The following GNG7 variants were observed in gnomAD, a reference collection of about 807,000 sequenced individuals.
The protein encoded by GNG7 is guanine nucleotide-binding protein G(I)/G(S)/G(O) subunit gamma-7.
A neutral mutation model predicts 4.0 loss-of-function variants in GNG7; 1 was observed. That is an observed-to-expected ratio of 0.25 (90% CI 0.09 to 1.18). The LOEUF (loss-of-function observed/expected upper bound fraction) is 1.18, where lower values mean the gene tolerates loss of function less well. Ranked by LOEUF, GNG7 falls within the 50% of genes most tolerant of loss-of-function variation. GNG7 has a pLI of 0.50. For synonymous variants in GNG7, 34 were observed against 36.9 expected, an observed-to-expected ratio of 0.92 and a Z score of 0.29; for missense variants, 86 against 91.9, an observed-to-expected ratio of 0.94 and a Z score of 0.26.
chr19:2,625,206 A>G (rs1452633567), intron 2 of GNG7, among the ~76,000 whole-genome samples: 6 of 152,020 alleles, frequency 3.9e-5, no homozygotes, highest in African/African-American at 9.7e-5. Flanking sequence ...ATAGCTGGGA[A>G]TACAGGTGCA....
intron 1 of GNG7, among the ~76,000 whole-genome samples, chr19:2,661,505 AT>A (rs1448849288): frequency 2.0e-5 from 3 of 151,800 alleles, no homozygotes; most frequent in East Asian, 3.9e-4. Context: ...CTAAAAAAAA[AT>A]ATAAAAATTA....
intron 2 of GNG7, among the ~76,000 whole-genome samples, chr19:2,566,433 G>C (rs913837212): frequency 6.6e-6 from 1 of 152,154 alleles, no homozygotes; most frequent in South Asian, 2.1e-4. Flanking sequence ...GAGAGAGAAT[G>C]AACCCGTGGT....
At chr19:2,696,955 C>A (rs1370643640) in intron 1 of GNG7, among the ~76,000 whole-genome samples, 1 of 152,174 alleles carries the variant, frequency 6.6e-6, no homozygotes, top group South Asian at 2.1e-4. Flanking sequence ...CAGGTTCAAG[C>A]GATTCTCCTG....
intron 3 of GNG7, among the ~76,000 whole-genome samples, chr19:2,521,072 G>A (rs558593757): frequency 1.2e-4 from 18 of 146,926 alleles, no homozygotes; most frequent in Admixed American, 2.8e-4. Context: ...TGGCTAACAC[G>A]GTGAAACCTC....
intron 3 of GNG7, among the ~76,000 whole-genome samples, chr19:2,530,483 G>A: frequency 6.6e-6 from 1 of 151,082 alleles, no homozygotes. Context: ...CACTTTGGGA[G>A]GCTGAGGTGG....
intron 3 of GNG7, among the ~76,000 whole-genome samples, chr19:2,521,274 A>T (rs1978307136): frequency 6.6e-6 from 1 of 152,018 alleles, no homozygotes; most frequent in Non-Finnish European, 1.5e-5. Flanking sequence ...TCAAAAAAAA[A>T]AATAAAGAAA....
chr19:2,638,064 A>G (rs969916546), intron 2 of GNG7, among the ~76,000 whole-genome samples: 5 of 152,024 alleles, frequency 3.3e-5, no homozygotes, highest in Non-Finnish European at 7.4e-5. Flanking sequence ...GACTGAAGTC[A>G]GTTTTGAAAT....
intron 2 of GNG7, among the ~76,000 whole-genome samples, chr19:2,569,395 C>T (rs76190386): frequency 2.0e-5 from 3 of 151,738 alleles, no homozygotes; most frequent in African/African-American, 4.8e-5. Context: ...CCTGCCTCAG[C>T]CTCCCGAGTA....
chr19:2,610,340 T>A (rs1421146543), intron 2 of GNG7: 2 of 39,142 alleles, frequency 5.1e-5, no homozygotes, highest in Non-Finnish European at 1.3e-4. Context: ...TTTTTTTAAT[T>A]TTTATTTATT....
At chr19:2,570,135 T>TA (rs889422296) in intron 2 of GNG7, among the ~76,000 whole-genome samples, 19 of 152,006 alleles carry the variant, frequency 1.2e-4, no homozygotes, top group South Asian at 4.2e-4. Context: ...ACCTGGTTGT[T>TA]AAAAAAAGCC....
intron 1 of GNG7, among the ~76,000 whole-genome samples, chr19:2,658,507 G>A (rs1007267669): frequency 2.9e-5 from 3 of 103,636 alleles, no homozygotes; most frequent in African/African-American, 1.1e-4. Flanking sequence ...CAAAGGCAGA[G>A]ACACCCAAGT....
intron 2 of GNG7, among the ~76,000 whole-genome samples, chr19:2,556,865 G>A (rs913474474): frequency 5.3e-5 from 8 of 152,128 alleles, no homozygotes; most frequent in Non-Finnish European, 5.9e-5. Context: ...CACCTGCTCC[G>A]TGCCAGGAGC....
intron 2 of GNG7, among the ~76,000 whole-genome samples, chr19:2,631,640 A>T (rs546284810): frequency 6.6e-6 from 1 of 152,112 alleles, no homozygotes; most frequent in Admixed American, 6.5e-5. Flanking sequence ...GGAGGGGGGA[A>T]CTTGGCCCAG....
chr19:2,568,413 CAT>C (rs370914261), intron 2 of GNG7, among the ~76,000 whole-genome samples: 52,923 of 150,846 alleles, frequency 0.35, 9,371 homozygotes, highest in South Asian at 0.43. Context: ...CACATATACA[CAT>C]AGACATACAC....
At chr19:2,606,786 G>A (rs1399459562) in intron 2 of GNG7, among the ~76,000 whole-genome samples, 4 of 151,644 alleles carry the variant, frequency 2.6e-5, no homozygotes, top group Non-Finnish European at 4.4e-5. Flanking sequence ...CTCGGATGGT[G>A]CAGTCTCTTT....
chr19:2,625,465 C>T (rs139573194), intron 2 of GNG7, among the ~76,000 whole-genome samples: 3 of 152,110 alleles, frequency 2.0e-5, no homozygotes, highest in East Asian at 1.9e-4. Flanking sequence ...CTTCCCATGT[C>T]GGCCTCTGAA....
Position 2,512,350 on chromosome 19 carries a change from C to T in GNG7, c.*2672G>A. The T allele has an allele frequency of 1.0e-6, 1 of 984,308 alleles. No individual in the cohort carries two copies. Among genetic ancestry groups the T allele is most frequent in the African/African-American group, 1.8e-5 (1 of 56,986 alleles). 61.0% of individuals were successfully genotyped at this position (984,308 alleles called of 1,614,324 possible). The stretch of plus-strand genomic sequence containing the variant: ...CACAGTGTGGTCACTGAAGTCTACT[C>T]AAGAAAAAAAAAAGTGGAGAATTTT... On this transcript the variant is annotated 3_prime_UTR_variant, in exon 5 of 5. Coordinates refer to ENST00000382159, the MANE Select transcript of GNG7 (RefSeq NM_052847.3). The surrounding 1 kb of genome is among the most constrained non-coding windows in gnomAD (Gnocchi z 4.7).
intron 1 of GNG7, among the ~76,000 whole-genome samples, chr19:2,701,917 C>T (rs1268826726): frequency 1.3e-5 from 2 of 150,766 alleles, no homozygotes; most frequent in African/African-American, 4.9e-5. Flanking sequence ...GCCCCCTCCC[C>T]AGCTAGCTTG....
chr19:2,644,400 C>G (rs1982611038), intron 2 of GNG7, among the ~76,000 whole-genome samples: 2 of 136,320 alleles, frequency 1.5e-5, no homozygotes, highest in Non-Finnish European at 1.6e-5. Context: ...TCTATACATG[C>G]ATCATGTTAT....
Sources: allele counts gnomAD v4.1 joint callset (sites outside exome capture counted in the v4.1 genomes callset), GRCh38; gene constraint gnomAD v4.1.1; non-coding constraint Gnocchi (gnomAD v3.1); transcripts MANE v1.5; gene names NCBI Gene and HGNC (gene_info 2026-07-23, HGNC 2026-07-21).